Variants in GNG7 observed in about 807,000 individuals in gnomAD.
GNG7 encodes G protein subunit gamma 7, also known as guanine nucleotide-binding protein G(I)/G(S)/G(O) subunit gamma-7.
Under a neutral mutation model 4.0 loss-of-function variants are expected in GNG7, and 1 was observed. The ratio of observed to expected loss-of-function variants is 0.25; its 90% CI spans 0.09 to 1.18. GNG7 has a LOEUF of 1.18. Ranked by LOEUF, GNG7 falls within the 50% of genes most tolerant of loss-of-function variation. The probability of loss-of-function intolerance (pLI) is 0.50; values close to 1 mark genes in which losing one functional copy is unlikely to be tolerated. For synonymous variants in GNG7, 34 were observed against 36.9 expected (o/e 0.92, Z 0.29); for missense variants, 86 against 91.9 (o/e 0.94, Z 0.26).
At chr19:2,521,009 A>C (rs1978305342) in intron 3 of GNG7, among the ~76,000 whole-genome samples, 1 of 151,988 alleles carries the variant, frequency 6.6e-6, no homozygotes, top group African/African-American at 2.4e-5. Context: ...TAATCCCAGC[A>C]CTTTGGGAGG....
intron 3 of GNG7, among the ~76,000 whole-genome samples, chr19:2,525,922 G>A (rs1191149873): frequency 6.7e-6 from 1 of 148,588 alleles, no homozygotes; most frequent in African/African-American, 2.5e-5. Context: ...CGATTCTCTT[G>A]CCTCAGCCTC....
At chr19:2,638,421 AG>A (rs1982376935) in intron 2 of GNG7, among the ~76,000 whole-genome samples, 3 of 60,510 alleles carry the variant, frequency 5.0e-5, no homozygotes, top group African/African-American at 1.3e-4. Context: ...GGGGAGGGGA[AG>A]GGGAAGGAGG....
At chr19:2,679,266 G>C (rs573737458) in intron 1 of GNG7, among the ~76,000 whole-genome samples, 149 of 152,106 alleles carry the variant, frequency 9.8e-4, no homozygotes, top group African/African-American at 3.5e-3. Flanking sequence ...GCTCAGGCTG[G>C]TCTCGAACTC....
chr19:2,553,795 G>A lies in GNG7; in HGVS notation c.-38+1354C>T, dbSNP rs1019139117. ...GTAATGTTATATCACACACATGTAC[G>A]TATCATGTGTAATATATCACATACA... is the stretch of plus-strand genomic sequence containing the variant. On this transcript the variant is annotated intron_variant, in intron 3 of 4. Coordinates refer to ENST00000382159, the MANE Select transcript of GNG7 (RefSeq NM_052847.3). Among the ~76,000 whole-genome samples the A allele has an allele frequency of 2.1e-4, 26 of 126,630 alleles. 1 individual carries two copies. The highest frequency in any genetic ancestry group is 2.4e-4 in the African/African-American group (7 of 28,760). The allele number at this position is 126,630 out of a possible 152,430, so 83.1% of individuals were successfully genotyped here. A position where few individuals can be genotyped will look rare whatever the true frequency, so the allele number is the denominator to read the frequency against.
At chr19:2,517,098 G>A (rs1339486457) in intron 4 of GNG7, 1 of 152,300 alleles carries the variant, frequency 6.6e-6, no homozygotes, top group Non-Finnish European at 1.5e-5. Context: ...AGGCGAGAGG[G>A]CGATCACAGG....
rs1981796189 is a variant in GNG7, at chr19:2,618,991, G to A, written c.-78+27233C>T. Among the ~76,000 whole-genome samples, 2 of 151,894 alleles carry A rather than the reference G, an allele frequency of 1.3e-5. No individual in the cohort carries two copies. Among genetic ancestry groups the A allele is most frequent in the Non-Finnish European group, 2.9e-5 (2 of 67,986 alleles). Reference sequence around the variant, plus strand: ...GGTATTTCCATGAACTTTTTTGTTTGTCTCTTTAAGAAAACGGTTACTATC... The same window carrying A: ...GGTATTTCCATGAACTTTTTTGTTTATCTCTTTAAGAAAACGGTTACTATC... On this transcript the variant is annotated intron_variant, in intron 2 of 4. Transcript: ENST00000382159. The surrounding 1 kb of genome is among the most constrained non-coding windows in gnomAD (Gnocchi z 5.1).
At chr19:2,638,074 T>C (rs979931878) in intron 2 of GNG7, among the ~76,000 whole-genome samples, 1 of 151,890 alleles carries the variant, frequency 6.6e-6, no homozygotes, top group Non-Finnish European at 1.5e-5. Flanking sequence ...AGTTTTGAAA[T>C]AATGAATGGG....
intron 2 of GNG7, among the ~76,000 whole-genome samples, chr19:2,603,068 T>C (rs1981262770): frequency 6.6e-6 from 1 of 151,622 alleles, no homozygotes; most frequent in East Asian, 1.9e-4. Flanking sequence ...TTTTCTGTTC[T>C]GTTCTGTTCT....
chr19:2,655,206 C>CCA (rs1417013704), intron 1 of GNG7, among the ~76,000 whole-genome samples: 4 of 137,824 alleles, frequency 2.9e-5, no homozygotes, highest in South Asian at 4.5e-4. Context: ...AAAAAAAAAA[C>CCA]CACACACACA....
intron 2 of GNG7, among the ~76,000 whole-genome samples, chr19:2,584,846 A>C (rs1364945558): frequency 2.8e-5 from 1 of 35,622 alleles, no homozygotes; most frequent in Non-Finnish European, 4.8e-5. Flanking sequence ...GAAGGAAGGA[A>C]AGAAGGAAGG....
At chr19:2,667,777 T>C (rs967272343) in intron 1 of GNG7, among the ~76,000 whole-genome samples, 1 of 151,928 alleles carries the variant, frequency 6.6e-6, no homozygotes, top group African/African-American at 2.4e-5. Context: ...AGGCCGGGCA[T>C]GGTGGTGGGT....
chr19:2,568,461 C>CACAT (rs57392416), intron 2 of GNG7, among the ~76,000 whole-genome samples: 46,886 of 150,972 alleles, frequency 0.31, 8,334 homozygotes, highest in Non-Finnish European at 0.41. Flanking sequence ...TATACATACA[C>CACAT]ACACACATGC....
chr19:2,673,182 C>T (rs533722682), intron 1 of GNG7, among the ~76,000 whole-genome samples: 1 of 148,978 alleles, frequency 6.7e-6, no homozygotes. Context: ...GCCGTGAACC[C>T]GGGAGGCGGA....
chr19:2,690,391 A>G (rs1255937110), intron 1 of GNG7, among the ~76,000 whole-genome samples: 1 of 152,122 alleles, frequency 6.6e-6, no homozygotes, highest in Non-Finnish European at 1.5e-5. Context: ...AAAAAATAAA[A>G]TAAAATAAAA....
intron 2 of GNG7, among the ~76,000 whole-genome samples, chr19:2,603,746 G>A (rs1021991142): frequency 6.6e-5 from 10 of 152,118 alleles, no homozygotes; most frequent in African/African-American, 2.2e-4. Flanking sequence ...TTTTCCTAGC[G>A]TGTTCAAGCT....
intron 3 of GNG7, among the ~76,000 whole-genome samples, chr19:2,539,516 G>A (rs1978875096): frequency 6.6e-6 from 1 of 151,928 alleles, no homozygotes; most frequent in African/African-American, 2.4e-5. Flanking sequence ...TGTTGGCCAG[G>A]CTGGTCTCGA....
chr19:2,608,577 C>G (rs1183560439), intron 2 of GNG7, among the ~76,000 whole-genome samples: 1 of 152,242 alleles, frequency 6.6e-6, no homozygotes, highest in Non-Finnish European at 1.5e-5. Flanking sequence ...GACCAGCAAC[C>G]TGGAAACCTG....
Position 2,676,177 on chromosome 19 carries a change from G to A in GNG7, c.-135+26469C>T, listed in dbSNP as rs115058424. On this transcript the variant is annotated intron_variant, in intron 1 of 4. Transcript: ENST00000382159. ...GATCCTCCCCGGGAGCTTCTGGGCC[G>A]GGAACGGCCCTGCCCACACCTTCGT... Among the ~76,000 whole-genome samples, 1,109 of 152,318 alleles carry A rather than the reference G, an allele frequency of 7.3e-3. 11 individuals carry two copies. The highest frequency in any genetic ancestry group is 0.024 in the African/African-American group (1,016 of 41,564).
intron 3 of GNG7, among the ~76,000 whole-genome samples, chr19:2,553,532 T>C (rs964526585): frequency 1.4e-4 from 21 of 148,348 alleles, no homozygotes; most frequent in Middle Eastern, 3.3e-3. Flanking sequence ...ACATTACATG[T>C]AACATCACAT....
Sources: gnomAD v4.1 joint callset for allele counts (sites outside exome capture counted in the v4.1 genomes callset) on GRCh38, gnomAD v4.1.1 for gene constraint, Gnocchi (gnomAD v3.1) non-coding constraint, MANE v1.5 for transcripts, NCBI Gene and HGNC (gene_info 2026-07-23, HGNC 2026-07-21) for gene names.